The following CUX2 variants were observed in gnomAD, a reference collection of about 807,000 sequenced individuals.
CUX2 encodes the protein cut like homeobox 2.
CUX2 carries 40 observed loss-of-function variants against 144.8 expected under a neutral mutation model. The observed-to-expected ratio is 0.28, with a 90% CI of 0.21 to 0.36. CUX2 has a LOEUF of 0.36. Among genes scored for constraint, CUX2 ranks in the 10% least tolerant of loss-of-function variants. CUX2 has a pLI of 1.00. For synonymous variants in CUX2, 827 were observed against 875.6 expected (o/e 0.94, Z 0.98); for missense variants, 1,615 against 1,994.0 (o/e 0.81, Z 3.62).
At chr12:111,100,559 T>C (rs1261611336) in intron 1 of CUX2, among the ~76,000 whole-genome samples, 1 of 152,154 alleles carries the variant, frequency 6.6e-6, no homozygotes, top group East Asian at 1.9e-4. Context: ...GACACCCATG[T>C]GTGCAAGTCA....
chr12:111,046,948 C>T (rs1041247933), intron 1 of CUX2, among the ~76,000 whole-genome samples: 4 of 152,252 alleles, frequency 2.6e-5, no homozygotes, highest in African/African-American at 9.6e-5. Context: ...TGAGCCACCA[C>T]GCCCGGCCCC....
At position 111,310,087 on chromosome 12, in the gene CUX2, G is replaced by A. The variant is rs770644286; in HGVS notation, c.1305G>A (p.Thr435=). 25 of 1,405,218 alleles carry A rather than the reference G, an allele frequency of 1.8e-5. No homozygotes were observed. The highest frequency in any genetic ancestry group is 6.3e-5 in the Admixed American group (2 of 31,572). 87.0% of individuals were successfully genotyped at this position (1,405,218 alleles called of 1,614,324 possible). A position where few individuals can be genotyped will look rare whatever the true frequency, so the allele number is the denominator to read the frequency against. The change falls in exon 15 of 22, where the codon ACG becomes ACA. Residue 435 remains threonine (T), a synonymous_variant. Coordinates refer to ENST00000261726, the MANE Select transcript of CUX2 (RefSeq NM_015267.4). This position sits in a 1 kb window ranked among gnomAD's most constrained non-coding sequence, Gnocchi z 7.9. ...ATTCCATCAAGGATTCACTGGGCACGGAGCAGTCCTACCCCTCCCCTCAGC... is the reference window on the plus strand; with the variant it reads ...ATTCCATCAAGGATTCACTGGGCACAGAGCAGTCCTACCCCTCCCCTCAGC... ...EDDSIKDSLG[T]EQSYPSPQQL...
At chr12:111,313,833 G>A (rs1471391932) in intron 16 of CUX2, among the ~76,000 whole-genome samples, 1 of 152,140 alleles carries the variant, frequency 6.6e-6, no homozygotes, top group African/African-American at 2.4e-5. Context: ...GTCTGCTGTG[G>A]GGGCTTCTTG....
intron 1 of CUX2, among the ~76,000 whole-genome samples, chr12:111,036,304 C>T (rs145287862): frequency 8.6e-4 from 131 of 152,186 alleles, no homozygotes; most frequent in African/African-American, 3.0e-3. Context: ...CCGGGGAGCT[C>T]GGGCTGCAGC....
Position 111,190,709 on chromosome 12 carries a change from A to C in CUX2, c.64-23491A>C, listed in dbSNP as rs1879823948. ...GATGCGAGGAGCAAAGGCAAAAGAG[A>C]GGCAGGTGGGCATCTGCCTCTATGT... is the stretch of plus-strand genomic sequence containing the variant. On this transcript the variant is annotated intron_variant, in intron 1 of 21. Coordinates refer to ENST00000261726, the MANE Select transcript of CUX2 (RefSeq NM_015267.4). This position sits in a 1 kb window ranked among gnomAD's most constrained non-coding sequence, Gnocchi z 4.0. Among the ~76,000 whole-genome samples the C allele has an allele frequency of 2.6e-5, 4 of 152,216 alleles. No homozygotes were observed. In the South Asian group the frequency reaches 8.3e-4, roughly 32 times the overall value.
chr12:111,189,245 C>G (rs1476826792), intron 1 of CUX2, among the ~76,000 whole-genome samples: 4 of 152,174 alleles, frequency 2.6e-5, no homozygotes, highest in Non-Finnish European at 5.9e-5. Flanking sequence ...ATACTCCAGC[C>G]TGGGTGACAG....
At chr12:111,223,824 T>A (rs540003506) in intron 3 of CUX2, among the ~76,000 whole-genome samples, 1 of 152,280 alleles carries the variant, frequency 6.6e-6, no homozygotes, top group East Asian at 1.9e-4. Flanking sequence ...GCCCTCTGCC[T>A]GAAATTCTCT....
At chr12:111,202,074 C>A (rs1880629730) in intron 1 of CUX2, among the ~76,000 whole-genome samples, 1 of 152,196 alleles carries the variant, frequency 6.6e-6, no homozygotes, top group Non-Finnish European at 1.5e-5. Flanking sequence ...CACTGTGGCC[C>A]CTAGCAAAAG....
At chr12:111,159,008 C>CACA (rs1446789647) in intron 1 of CUX2, among the ~76,000 whole-genome samples, 3 of 152,202 alleles carry the variant, frequency 2.0e-5, no homozygotes, top group Non-Finnish European at 2.9e-5. Flanking sequence ...AAGGTGCTGT[C>CACA]CCTCAGGCCT....
At position 111,034,786 on chromosome 12, in the gene CUX2, C is replaced by G. The variant is rs1455816774; in HGVS notation, c.63+546C>G. 4.7e-5 allele frequency among the ~76,000 whole-genome samples: 7 copies of G among 149,204 alleles called. No individual in the cohort carries two copies. Among genetic ancestry groups the G allele is most frequent in the Admixed American group, 6.6e-5 (1 of 15,040 alleles). ...CGGGGTTGGCGAGGAGGCGGCTCCG[C>G]GCCCCGCCGCTCGCCGGCACCTCAG... On this transcript the variant is annotated intron_variant, in intron 1 of 21. Coordinates refer to ENST00000261726, the MANE Select transcript of CUX2 (RefSeq NM_015267.4). The surrounding 1 kb of genome is among the most constrained non-coding windows in gnomAD (Gnocchi z 4.2).
At chr12:111,053,222 G>T (rs1435953042) in intron 1 of CUX2, among the ~76,000 whole-genome samples, 2 of 152,222 alleles carry the variant, frequency 1.3e-5, no homozygotes, top group Non-Finnish European at 2.9e-5. Flanking sequence ...CATACCAGGG[G>T]CTCCAGAAAT....
chr12:111,267,057 G>T (rs1422440740), intron 4 of CUX2, among the ~76,000 whole-genome samples: 1 of 152,068 alleles, frequency 6.6e-6, no homozygotes, highest in Non-Finnish European at 1.5e-5. Context: ...AATTATCTGG[G>T]CATGGTCGTG....
chr12:111,088,133 G>T (rs1338673064), intron 1 of CUX2, among the ~76,000 whole-genome samples: 1 of 152,198 alleles, frequency 6.6e-6, no homozygotes, highest in African/African-American at 2.4e-5. Context: ...TGGGAATGGG[G>T]TCAGGGAGGA....
At chr12:111,197,722 T>C (rs1469701706) in intron 1 of CUX2, among the ~76,000 whole-genome samples, 3 of 152,146 alleles carry the variant, frequency 2.0e-5, no homozygotes, top group African/African-American at 7.2e-5. Flanking sequence ...CAGTCTAAGG[T>C]CATCCAAGGC....
intron 1 of CUX2, among the ~76,000 whole-genome samples, chr12:111,142,289 A>G (rs912297260): frequency 3.9e-5 from 6 of 152,148 alleles, no homozygotes; most frequent in Non-Finnish European, 5.9e-5. Flanking sequence ...ACATTTTGGT[A>G]TCTCAGAAAC....
intron 18 of CUX2, among the ~76,000 whole-genome samples, chr12:111,330,716 T>TATATATATATATACATATACATATAC: frequency 2.7e-5 from 1 of 36,962 alleles, no homozygotes; most frequent in African/African-American, 1.4e-4. Context: ...TATATATATA[T>TATATATATATATACATATACATATAC]ATATATATAT....
At chr12:111,345,171 C>T (rs1484929707) in intron 21 of CUX2, among the ~76,000 whole-genome samples, 4 of 151,424 alleles carry the variant, frequency 2.6e-5, no homozygotes, top group African/African-American at 7.3e-5. Context: ...CACAAAAGGC[C>T]GGGCGCAGTG....
chr12:111,220,170 T>C (rs947769991), intron 3 of CUX2, among the ~76,000 whole-genome samples: 11 of 152,168 alleles, frequency 7.2e-5, no homozygotes, highest in African/African-American at 1.2e-4. Flanking sequence ...TATGCATATT[T>C]CACAGGGTGA....
At chr12:111,108,809 C>T (rs1284842688) in intron 1 of CUX2, among the ~76,000 whole-genome samples, 1 of 151,918 alleles carries the variant, frequency 6.6e-6, no homozygotes, top group African/African-American at 2.4e-5. Flanking sequence ...ATCAGGCTGT[C>T]CTGTAGAGCT....
Sources: gnomAD v4.1 joint callset for allele counts (sites outside exome capture counted in the v4.1 genomes callset) on GRCh38, gnomAD v4.1.1 for gene constraint, Gnocchi (gnomAD v3.1) non-coding constraint, MANE v1.5 for transcripts, NCBI Gene and HGNC (gene_info 2026-07-23, HGNC 2026-07-21) for gene names.